The following COL21A1 variants were observed in gnomAD, a reference collection of about 807,000 sequenced individuals.
The protein encoded by COL21A1 is collagen type XXI alpha 1 chain.
In COL21A1, 149 loss-of-function variants were observed where a neutral mutation model predicts 137.9. The observed-to-expected ratio is 1.08, with a 90% CI of 0.95 to 1.24. COL21A1 has a LOEUF of 1.24. COL21A1 is among the 50% of genes most tolerant of loss of function. The probability of loss-of-function intolerance (pLI) is 0.00; values close to 1 mark genes in which losing one functional copy is unlikely to be tolerated. For missense variants in COL21A1, 1,167 were observed against 1,158.4 expected (o/e 1.01, Z -0.11); for synonymous variants, 456 against 391.5 (o/e 1.16, Z -1.95).
At chr6:56,121,848 T>C (rs1772568110) in intron 16 of COL21A1, among the ~76,000 whole-genome samples, 1 of 152,008 alleles carries the variant, frequency 6.6e-6, no homozygotes. Context: ...TAAATAGCTT[T>C]TTTTTTCAAT....
chr6:56,157,267 C>A, intron 9 of COL21A1, among the ~76,000 whole-genome samples: 1 of 149,298 alleles, frequency 6.7e-6, no homozygotes. Flanking sequence ...AGTGACATAG[C>A]AAATATGGTC....
At chr6:56,255,395 G>T (rs558379516) in intron 1 of COL21A1, among the ~76,000 whole-genome samples, 19 of 150,226 alleles carry the variant, frequency 1.3e-4, no homozygotes, top group African/African-American at 4.2e-4. Context: ...TATGGATTTT[G>T]CCCCAGTCTA....
chr6:56,144,573 T>A (rs1016267512), intron 10 of COL21A1, among the ~76,000 whole-genome samples: 2 of 152,216 alleles, frequency 1.3e-5, no homozygotes, highest in African/African-American at 2.4e-5. Flanking sequence ...GCCTTACTAC[T>A]TTTTTAGGAA....
intron 1 of COL21A1, among the ~76,000 whole-genome samples, chr6:56,359,809 G>C (rs1765925132): frequency 6.6e-6 from 1 of 152,162 alleles, no homozygotes; most frequent in South Asian, 2.1e-4. Flanking sequence ...AGTCTGAAAA[G>C]CAAGACAAAG....
At chr6:56,199,521 G>A (rs992498643) in intron 1 of COL21A1, among the ~76,000 whole-genome samples, 6 of 151,852 alleles carry the variant, frequency 4.0e-5, no homozygotes, top group Non-Finnish European at 4.4e-5. Flanking sequence ...CTAATGCTTA[G>A]AAAAAAGAGA....
intron 1 of COL21A1, among the ~76,000 whole-genome samples, chr6:56,387,827 T>C (rs566123949): frequency 6.6e-6 from 1 of 152,266 alleles, no homozygotes; most frequent in African/African-American, 2.4e-5. Context: ...CAGAATAAAT[T>C]TGAGTGGCAG....
At chr6:56,138,117 T>A (rs1054803411) in intron 12 of COL21A1, among the ~76,000 whole-genome samples, 4 of 152,080 alleles carry the variant, frequency 2.6e-5, no homozygotes, top group African/African-American at 9.7e-5. Flanking sequence ...AACCTAATAG[T>A]AACACCACTT....
chr6:56,301,660 C>G (rs1764282031), intron 1 of COL21A1, among the ~76,000 whole-genome samples: 3 of 152,082 alleles, frequency 2.0e-5, no homozygotes, highest in African/African-American at 7.2e-5. Context: ...TATGTACTGT[C>G]CAACACAATA....
intron 16 of COL21A1, among the ~76,000 whole-genome samples, chr6:56,105,733 G>A (rs1397195913): frequency 6.6e-6 from 1 of 152,144 alleles, no homozygotes; most frequent in African/African-American, 2.4e-5. Flanking sequence ...ACTTACAACT[G>A]ATAATGATTT....
intron 1 of COL21A1, among the ~76,000 whole-genome samples, chr6:56,339,589 A>T (rs1340376548): frequency 6.6e-6 from 1 of 151,832 alleles, no homozygotes; most frequent in Non-Finnish European, 1.5e-5. Flanking sequence ...TGAAGGAAAA[A>T]CTCCGGGTAG....
chr6:56,138,261 A>T (rs1033766360), intron 12 of COL21A1, among the ~76,000 whole-genome samples: 1 of 150,946 alleles, frequency 6.6e-6, no homozygotes, highest in African/African-American at 2.4e-5. Context: ...TAATATTCTT[A>T]TTATTTACTA....
chr6:56,389,499 T>C (rs1364218737), intron 1 of COL21A1, among the ~76,000 whole-genome samples: 2 of 150,768 alleles, frequency 1.3e-5, no homozygotes, highest in East Asian at 1.9e-4. Context: ...TAGAGAGAGA[T>C]ACTGGGGTGG....
chr6:56,360,814 A>G (rs1765948595), intron 1 of COL21A1, among the ~76,000 whole-genome samples: 1 of 152,154 alleles, frequency 6.6e-6, no homozygotes, highest in African/African-American at 2.4e-5. Flanking sequence ...ATATTAACCA[A>G]ATAGGCTGGG....
chr6:56,391,611 C>T (rs976608127), intron 1 of COL21A1, among the ~76,000 whole-genome samples: 6 of 151,824 alleles, frequency 4.0e-5, no homozygotes, highest in Admixed American at 1.3e-4. Flanking sequence ...GATAGTAAAA[C>T]GAATACTACA....
intron 1 of COL21A1, among the ~76,000 whole-genome samples, chr6:56,351,395 C>G (rs955353497): frequency 1.3e-5 from 2 of 152,216 alleles, no homozygotes; most frequent in Admixed American, 6.5e-5. Flanking sequence ...CTCCTAAGGG[C>G]AGGCCCTGTC....
chr6:56,301,734 A>C (rs1176876364), intron 1 of COL21A1, among the ~76,000 whole-genome samples: 1 of 151,976 alleles, frequency 6.6e-6, no homozygotes, highest in African/African-American at 2.4e-5. Context: ...TTATACTTTA[A>C]GTTTTAGGGT....
At chr6:56,231,346 G>A (rs1781542637) in intron 1 of COL21A1, among the ~76,000 whole-genome samples, 1 of 151,784 alleles carries the variant, frequency 6.6e-6, no homozygotes, top group Non-Finnish European at 1.5e-5. Flanking sequence ...TATTCAGTTC[G>A]GTAACAGCAA....
intron 1 of COL21A1, among the ~76,000 whole-genome samples, chr6:56,207,092 G>T (rs528676164): frequency 6.6e-6 from 1 of 152,134 alleles, no homozygotes; most frequent in Admixed American, 6.5e-5. Context: ...AAGCAGAAAA[G>T]ATCTAAAATT....
At chr6:56,099,097 A>G (rs1350571926) in intron 17 of COL21A1, among the ~76,000 whole-genome samples, 2 of 151,628 alleles carry the variant, frequency 1.3e-5, no homozygotes, top group East Asian at 1.9e-4. Flanking sequence ...CGTGCTCCTC[A>G]CATTGAATTA....
Sources: allele counts gnomAD v4.1 joint callset (sites outside exome capture counted in the v4.1 genomes callset), GRCh38; gene constraint gnomAD v4.1.1; transcripts MANE v1.5; gene names NCBI Gene and HGNC (gene_info 2026-07-23, HGNC 2026-07-21).